Variants in SNTB2 observed in about 807,000 individuals in gnomAD.
SNTB2 encodes the protein syntrophin beta 2, also known as beta-2-syntrophin.
Under a neutral mutation model 46.2 loss-of-function variants are expected in SNTB2, and 34 were observed. The ratio of observed to expected loss-of-function variants is 0.74; its 90% confidence interval spans 0.56 to 0.98. The LOEUF (loss-of-function observed/expected upper bound fraction) is 0.98, where lower values mean the gene tolerates loss of function less well. Among genes scored for constraint, SNTB2 ranks in the 50% least tolerant of loss-of-function variants. The pLI, the probability that SNTB2 is intolerant of heterozygous loss-of-function variation, is 0.00. For missense variants in SNTB2, 603 were observed against 731.4 expected (o/e 0.82, Z 2.02); for synonymous variants, 290 against 312.6 (o/e 0.93, Z 0.76).
chr16:69,278,533 G>A (rs1052116212), intron 4 of SNTB2, among the ~76,000 whole-genome samples: 33 of 147,084 alleles, frequency 2.2e-4, no homozygotes, highest in East Asian at 6.2e-4. Flanking sequence ...TCTGCTCACC[G>A]CAACCTCCAC....
chr16:69,208,880 A>ATATTTCCT (rs923261888), intron 1 of SNTB2, among the ~76,000 whole-genome samples: 1 of 152,112 alleles, frequency 6.6e-6, no homozygotes, highest in Non-Finnish European at 1.5e-5. Context: ...AGAAATATAC[A>ATATTTCCT]TATTTCCTTC....
At chr16:69,214,837 CTTAATA>C (rs1053153256) in intron 1 of SNTB2, among the ~76,000 whole-genome samples, 6 of 146,316 alleles carry the variant, frequency 4.1e-5, no homozygotes, top group African/African-American at 7.6e-5. Flanking sequence ...TGTTTTTTAT[CTTAATA>C]TTAATTTAAT....
intron 5 of SNTB2, among the ~76,000 whole-genome samples, chr16:69,292,359 TA>T: frequency 1.7e-5 from 1 of 59,188 alleles, no homozygotes; most frequent in Non-Finnish European, 2.9e-5. Context: ...ATTTTTTATA[TA>T]TATATATATA....
At chr16:69,216,968 A>G (rs1388031576) in intron 1 of SNTB2, among the ~76,000 whole-genome samples, 4 of 152,186 alleles carry the variant, frequency 2.6e-5, no homozygotes, top group South Asian at 2.1e-4. Flanking sequence ...CAATGGCTCA[A>G]AAACGACCAT....
intron 1 of SNTB2, among the ~76,000 whole-genome samples, chr16:69,232,502 CTTTTTTT>C (rs1032986410): frequency 1.6e-5 from 1 of 63,858 alleles, no homozygotes; most frequent in African/African-American, 7.3e-5. Flanking sequence ...ACGGTGCGGC[CTTTTTTT>C]TTTTTTTTTT....
At chr16:69,202,458 A>G (rs1183065679) in intron 1 of SNTB2, among the ~76,000 whole-genome samples, 2 of 152,054 alleles carry the variant, frequency 1.3e-5, no homozygotes, top group Admixed American at 6.5e-5. Context: ...GCTGGAATGC[A>G]GTGGCATGAT....
intron 5 of SNTB2, among the ~76,000 whole-genome samples, chr16:69,288,071 G>A (rs182204686): frequency 6.6e-6 from 1 of 151,954 alleles, no homozygotes; most frequent in Non-Finnish European, 1.5e-5. Context: ...GGTGAGGCAC[G>A]GTGGCTTACA....
chr16:69,292,378 AT>A lies in SNTB2; in HGVS notation c.1346-7210del, dbSNP rs1189366572. 0.017 allele frequency among the ~76,000 whole-genome samples: 427 copies of A among 25,784 alleles called. 51 individuals carry two copies. In the East Asian group the frequency reaches 0.21, roughly 13 times the overall value. The allele number at this position is 25,784 out of a possible 152,430, so 16.9% of individuals were successfully genotyped here. ...TTTATATATATATATATATATATATATTATATATATATTATATATATATATA... is the reference window on the plus strand; with the variant it reads ...TTTATATATATATATATATATATATATATATATATATTATATATATATATA... On this transcript the variant is annotated intron_variant, in intron 5 of 6. Coordinates refer to ENST00000336278, the MANE Select transcript of SNTB2 (RefSeq NM_006750.4).
rs138804559 is a variant in SNTB2 at position 69,188,975 on chromosome 16, A to T, written c.580+1229A>T. Among the ~76,000 whole-genome samples, 1,370 of 152,306 alleles carry T rather than the reference A, an allele frequency of 9.0e-3. 10 individuals carry two copies. Among genetic ancestry groups the T allele is most frequent in the South Asian group, 0.015 (72 of 4,828 alleles). On this transcript the variant is annotated intron_variant, in intron 1 of 6. Transcript: ENST00000336278. Reference sequence around the variant, plus strand: ...GCAGGCAGGGATGAGTCAGGAGGGTATTCCTGGCAGAGGAAGGACAGAAGG... The same window carrying T: ...GCAGGCAGGGATGAGTCAGGAGGGTTTTCCTGGCAGAGGAAGGACAGAAGG...
At chr16:69,283,932 A>T in intron 4 of SNTB2, 116 bp from the exon 5 acceptor site, 1 of 924,508 alleles carries the variant, frequency 1.1e-6, no homozygotes, top group Non-Finnish European at 1.7e-6. Flanking sequence ...TGAAATGTCT[A>T]TATCCAAAAA....
chr16:69,283,966 C>T, intron 4 of SNTB2, 82 bp from the exon 5 acceptor site: 1 of 1,293,566 alleles, frequency 7.7e-7, no homozygotes, highest in Non-Finnish European at 1.1e-6. Flanking sequence ...TTATAAGTTT[C>T]TCTTATCAAT....
chr16:69,219,129 G>A (rs1040578797), intron 1 of SNTB2, among the ~76,000 whole-genome samples: 3 of 152,190 alleles, frequency 2.0e-5, no homozygotes, highest in Admixed American at 1.3e-4. Flanking sequence ...CCATCCAAGT[G>A]TCTAATACAT....
At chr16:69,257,849 C>T (rs1379546678) in intron 2 of SNTB2, among the ~76,000 whole-genome samples, 1 of 152,178 alleles carries the variant, frequency 6.6e-6, no homozygotes, top group Non-Finnish European at 1.5e-5. Context: ...GGTAGGTAGG[C>T]CTGGAAGTAG....
intron 3 of SNTB2, among the ~76,000 whole-genome samples, chr16:69,265,279 A>G (rs1474541185): frequency 6.6e-6 from 1 of 152,146 alleles, no homozygotes; most frequent in Non-Finnish European, 1.5e-5. Flanking sequence ...AACCAAGGAA[A>G]AGGTTTATTT....
At chr16:69,251,933 AC>A (rs1487375660) in intron 2 of SNTB2, among the ~76,000 whole-genome samples, 7 of 152,220 alleles carry the variant, frequency 4.6e-5, no homozygotes, top group Non-Finnish European at 1.0e-4. Context: ...TAAAAATAAA[AC>A]AATAAAATAA....
intron 2 of SNTB2, among the ~76,000 whole-genome samples, chr16:69,252,745 A>G (rs2143065146): frequency 6.6e-6 from 1 of 152,300 alleles, no homozygotes; most frequent in South Asian, 2.1e-4. Context: ...CTCGTTTGAC[A>G]AGAGGCCAAA....
At chr16:69,245,472 G>A in intron 1 of SNTB2, 130 bp from the exon 2 acceptor site, 1 of 869,222 alleles carries the variant, frequency 1.2e-6, no homozygotes, top group East Asian at 2.5e-5. Flanking sequence ...TGGGATTACA[G>A]GAGTGAGCCA....
At chr16:69,212,414 C>T (rs1237029831) in intron 1 of SNTB2, among the ~76,000 whole-genome samples, 1 of 152,280 alleles carries the variant, frequency 6.6e-6, no homozygotes, top group East Asian at 1.9e-4. Flanking sequence ...TCTCAGCTCA[C>T]TGCAACCTCT....
Position 69,201,830 on chromosome 16 carries a change from T to A in SNTB2, c.580+14084T>A, listed in dbSNP as rs1018265612. On this transcript the variant is annotated intron_variant, in intron 1 of 6. Coordinates refer to ENST00000336278, the MANE Select transcript of SNTB2 (RefSeq NM_006750.4). Reference sequence around the variant, plus strand: ...GAGAATTCAATAGTATTATTATTATTTTTTTTGAGTGCCTCTAAAATTGTT... The same window carrying A: ...GAGAATTCAATAGTATTATTATTATATTTTTTGAGTGCCTCTAAAATTGTT... Among the ~76,000 whole-genome samples, 71 of 149,812 alleles carry A rather than the reference T, an allele frequency of 4.7e-4. 1 individual carries two copies. Among genetic ancestry groups the A allele is most frequent in the African/African-American group, 1.7e-3 (66 of 39,382 alleles).
Sources: allele counts gnomAD v4.1 joint callset (sites outside exome capture counted in the v4.1 genomes callset), GRCh38; gene constraint gnomAD v4.1.1; transcripts MANE v1.5; gene names NCBI Gene and HGNC (gene_info 2026-07-23, HGNC 2026-07-21).